The following RERE variants were observed in gnomAD, a reference collection of about 807,000 sequenced individuals.
RERE encodes the protein arginine-glutamic acid dipeptide repeats, also known as arginine-glutamic acid dipeptide repeats protein.
RERE carries 40 observed loss-of-function variants against 146.1 expected under a neutral mutation model. The observed-to-expected ratio is 0.27, with a 90% CI of 0.21 to 0.36. The LOEUF is 0.36. Among genes scored for constraint, RERE ranks in the 10% least tolerant of loss-of-function variants. The pLI is 1.00. For missense variants in RERE, 1,933 were observed against 2,138.7 expected (o/e 0.90, Z 1.90); for synonymous variants, 1,003 against 866.0 (o/e 1.16, Z -2.78).
intron 11 of RERE, among the ~76,000 whole-genome samples, chr1:8,458,496 G>C (rs1387908745): frequency 3.3e-5 from 5 of 152,134 alleles, no homozygotes; most frequent in Admixed American, 3.3e-4. Context: ...GTAATTTAAG[G>C]TGTGCTTATA....
chr1:8,643,600 T>C (rs1647210845), intron 2 of RERE, among the ~76,000 whole-genome samples: 1 of 152,228 alleles, frequency 6.6e-6, no homozygotes, highest in Non-Finnish European at 1.5e-5. Context: ...ACCCAGGCAG[T>C]TACCCAAGAG....
At chr1:8,531,695 T>C (rs1369864064) in intron 7 of RERE, among the ~76,000 whole-genome samples, 1 of 152,206 alleles carries the variant, frequency 6.6e-6, no homozygotes, top group Non-Finnish European at 1.5e-5. Context: ...AAGTTTATGG[T>C]AAGTATTCTG....
chr1:8,363,410 T>C (rs1570045951), intron 15 of RERE, among the ~76,000 whole-genome samples: 1 of 152,176 alleles, frequency 6.6e-6, no homozygotes, highest in Non-Finnish European at 1.5e-5. Flanking sequence ...GTTGACCTGC[T>C]CCCTTCTGAG....
chr1:8,389,050 G>A (rs1642788873), intron 12 of RERE, among the ~76,000 whole-genome samples: 1 of 152,154 alleles, frequency 6.6e-6, no homozygotes, highest in Admixed American at 6.5e-5. Context: ...CCTGAGTATT[G>A]TATTATCTTT....
In RERE at chr1:8,414,759, T is replaced by C. The variant is rs1019968978; in HGVS notation, c.1284+7968A>G. ...CAACATCTCGGAAAACTTAGCTTAA[T>C]GGAATTCTGGTATCCCAAAGGAAGG... On this transcript the variant is annotated intron_variant, in intron 12 of 22. Transcript: ENST00000400908. Among the ~76,000 whole-genome samples, 5 of 152,248 alleles carry C rather than the reference T, an allele frequency of 3.3e-5. No homozygotes were observed. In the South Asian group the frequency reaches 1.0e-3, roughly 32 times the overall value.
chr1:8,782,569 C>G (rs958919673), intron 1 of RERE, among the ~76,000 whole-genome samples: 1 of 152,150 alleles, frequency 6.6e-6, no homozygotes, highest in Non-Finnish European at 1.5e-5. Flanking sequence ...CTTGGCATCT[C>G]CACTTGAGTA....
intron 6 of RERE, among the ~76,000 whole-genome samples, chr1:8,548,498 G>C (rs1557682035): frequency 1.3e-5 from 2 of 152,214 alleles, no homozygotes; most frequent in African/African-American, 2.4e-5. Flanking sequence ...AGGAAAAGCA[G>C]TATTTGGCAC....
chr1:8,356,293 A>G lies in RERE; in HGVS notation c.4340-47T>C. ...AGATGGAGGCGGTGTGCAGCTCTTC[A>G]ATGTTTGTCCCCCTTGGCTGGAATG... On this transcript the variant is annotated intron_variant, in intron 20 of 22. Transcript: ENST00000400908. The surrounding 1 kb of genome is among the most constrained non-coding windows in gnomAD (Gnocchi z 5.2). 6.8e-7 allele frequency: 1 copy of G among 1,468,796 alleles called. No homozygotes were observed. Among genetic ancestry groups the G allele is most frequent in the Non-Finnish European group, 8.9e-7 (1 of 1,119,328 alleles). The allele number at this position is 1,468,796 out of a possible 1,614,324, so 91.0% of individuals were successfully genotyped here.
intron 4 of RERE, among the ~76,000 whole-genome samples, chr1:8,606,024 C>T (rs1646704484): frequency 6.6e-6 from 1 of 151,824 alleles, no homozygotes; most frequent in Non-Finnish European, 1.5e-5. Context: ...CTTTGTTGCC[C>T]AGGCTGGTCT....
At chr1:8,400,222 A>ATATGTG (rs368219880) in intron 12 of RERE, among the ~76,000 whole-genome samples, 4,444 of 140,118 alleles carry the variant, frequency 0.032, 120 homozygotes, top group African/African-American at 0.07. Context: ...CCTGTGTCAT[A>ATATGTG]TGTGTGTGTG....
chr1:8,390,472 T>C (rs1018501154), intron 12 of RERE, among the ~76,000 whole-genome samples: 1 of 152,150 alleles, frequency 6.6e-6, no homozygotes, highest in Non-Finnish European at 1.5e-5. Flanking sequence ...GTCCGAACTG[T>C]ATCAATAACT....
chr1:8,514,119 C>A (rs993041340), intron 7 of RERE, among the ~76,000 whole-genome samples: 5 of 152,204 alleles, frequency 3.3e-5, no homozygotes, highest in African/African-American at 1.2e-4. Flanking sequence ...GTGGTGAGTA[C>A]AAGCTTTTCG....
intron 17 of RERE, 119 bp from the exon 18 acceptor site, chr1:8,361,609 G>A: frequency 7.0e-7 from 1 of 1,438,028 alleles, no homozygotes; most frequent in South Asian, 1.2e-5. Context: ...CTTGGCTCCG[G>A]GACCACAGGT....
At chr1:8,376,157 T>C (rs764836460) in intron 12 of RERE, among the ~76,000 whole-genome samples, 4 of 152,134 alleles carry the variant, frequency 2.6e-5, no homozygotes, top group Non-Finnish European at 4.4e-5. Context: ...TAAGAGGAAA[T>C]AGCCATCTAG....
chr1:8,408,384 A>G (rs1643513865), intron 12 of RERE, among the ~76,000 whole-genome samples: 2 of 152,206 alleles, frequency 1.3e-5, no homozygotes, highest in Non-Finnish European at 2.9e-5. Flanking sequence ...AGGAGGAGGG[A>G]AAAAGATTTC....
At chr1:8,365,531 C>A (rs958831767) in intron 13 of RERE, among the ~76,000 whole-genome samples, 3 of 152,152 alleles carry the variant, frequency 2.0e-5, no homozygotes, top group African/African-American at 7.2e-5. Context: ...ACATCCCAGG[C>A]CAAGACGTGT....
intron 12 of RERE, among the ~76,000 whole-genome samples, chr1:8,401,820 T>C (rs1643271474): frequency 6.6e-6 from 1 of 152,184 alleles, no homozygotes; most frequent in Non-Finnish European, 1.5e-5. Flanking sequence ...GTGACTGCTT[T>C]GTAAACAATA....
chr1:8,807,388 G>A (rs1463542228), intron 1 of RERE, among the ~76,000 whole-genome samples: 4 of 152,106 alleles, frequency 2.6e-5, no homozygotes, highest in East Asian at 3.9e-4. Flanking sequence ...TTGCAGTTCC[G>A]CCGCCCCCCA....
intron 13 of RERE, among the ~76,000 whole-genome samples, chr1:8,365,428 ATCT>A (rs1284329873): frequency 6.6e-6 from 1 of 152,160 alleles, no homozygotes; most frequent in South Asian, 2.1e-4. Context: ...TGTTAATCTG[ATCT>A]TCTTACAACC....
Sources: allele counts gnomAD v4.1 joint callset (sites outside exome capture counted in the v4.1 genomes callset), GRCh38; gene constraint gnomAD v4.1.1; non-coding constraint Gnocchi (gnomAD v3.1); transcripts MANE v1.5; gene names NCBI Gene and HGNC (gene_info 2026-07-23, HGNC 2026-07-21).